The following RHBDD1 variants were observed in gnomAD, a reference collection of about 807,000 sequenced individuals.
The protein encoded by RHBDD1 is rhomboid domain containing 1, also known as rhomboid-related protein 4.
Under a neutral mutation model 36.3 loss-of-function variants are expected in RHBDD1, and 38 were observed. The observed-to-expected ratio is 1.05, with a 90% CI of 0.81 to 1.37. The LOEUF (loss-of-function observed/expected upper bound fraction) is 1.37, where lower values mean the gene tolerates loss of function less well. Among genes scored for constraint, RHBDD1 ranks in the 40% most tolerant of loss-of-function variants. The probability of loss-of-function intolerance (pLI) is 0.00; values close to 1 mark genes in which losing one functional copy is unlikely to be tolerated. For synonymous variants in RHBDD1, 151 were observed against 136.5 expected, an observed-to-expected ratio of 1.11 and a Z score of -0.74; for missense variants, 393 against 377.6, an observed-to-expected ratio of 1.04 and a Z score of -0.34.
intron 8 of RHBDD1, among the ~76,000 whole-genome samples, chr2:226,944,611 A>G (rs891044759): frequency 1.3e-5 from 2 of 152,226 alleles, no homozygotes; most frequent in African/African-American, 4.8e-5. Flanking sequence ...TACCTACAGC[A>G]AACAGAAAAG....
chr2:226,863,785 G>T (rs899704339), intron 3 of RHBDD1, among the ~76,000 whole-genome samples: 5 of 152,216 alleles, frequency 3.3e-5, no homozygotes, highest in African/African-American at 1.2e-4. Context: ...GTTAGCCAAA[G>T]CATGTCACAG....
intron 8 of RHBDD1, among the ~76,000 whole-genome samples, chr2:226,951,205 G>A (rs566816896): frequency 1.5e-4 from 23 of 152,120 alleles, no homozygotes; most frequent in South Asian, 8.3e-4. Flanking sequence ...AATGGCTTCC[G>A]TTTAACTACA....
chr2:226,946,437 G>A (rs2149189963), intron 8 of RHBDD1, among the ~76,000 whole-genome samples: 1 of 152,116 alleles, frequency 6.6e-6, no homozygotes, highest in East Asian at 1.9e-4. Context: ...ATGCTGTTTT[G>A]GCTACTGTAG....
At chr2:226,867,614 C>T in intron 5 of RHBDD1, 1 of 985,234 alleles carries the variant, frequency 1.0e-6, no homozygotes, top group Non-Finnish European at 1.2e-6. Flanking sequence ...AGCCAATCAG[C>T]TGGTTAATTC....
chr2:226,863,101 A>G (rs1944007306), intron 3 of RHBDD1, among the ~76,000 whole-genome samples: 1 of 152,086 alleles, frequency 6.6e-6, no homozygotes, highest in Admixed American at 6.5e-5. Flanking sequence ...TAATCCCAGC[A>G]CTTTGGGAGG....
chr2:226,852,904 A>ATTATTGTTGTTG (rs751436984), intron 3 of RHBDD1, among the ~76,000 whole-genome samples: 16 of 108,648 alleles, frequency 1.5e-4, no homozygotes, highest in African/African-American at 7.0e-4. Context: ...TGGCTAATTT[A>ATTATTGTTGTTG]TTATTATTAT....
intron 5 of RHBDD1, chr2:226,867,551 A>AT (rs1166072861): frequency 2.2e-5 from 22 of 980,838 alleles, no homozygotes; most frequent in South Asian, 9.5e-5. Context: ...CAGATTCCTC[A>AT]TTTTTTTTAA....
At chr2:226,912,823 A>T (rs1338922520) in intron 7 of RHBDD1, among the ~76,000 whole-genome samples, 1 of 152,144 alleles carries the variant, frequency 6.6e-6, no homozygotes, top group East Asian at 1.9e-4. Context: ...AAAACCACTG[A>T]GTTGTACACT....
intron 8 of RHBDD1, among the ~76,000 whole-genome samples, chr2:226,957,011 CA>C (rs772632162): frequency 2.6e-5 from 4 of 152,144 alleles, no homozygotes; most frequent in Non-Finnish European, 4.4e-5. Context: ...TTGGTGGTCT[CA>C]ATGAGGTATC....
At chr2:226,818,116 T>C in the RHBDD1 span, among the ~76,000 whole-genome samples, 10 of 151,962 alleles carry the variant, frequency 6.6e-5, no homozygotes, top group Admixed American at 5.9e-4. Flanking sequence ...CAGATGTGGT[T>C]GGTCCATCTA....
chr2:226,933,048 G>C (rs1270409967), intron 8 of RHBDD1, among the ~76,000 whole-genome samples: 1 of 152,142 alleles, frequency 6.6e-6, no homozygotes, highest in African/African-American at 2.4e-5. Flanking sequence ...TGGCAGGACA[G>C]AGTAAGTGCA....
chr2:226,932,464 T>C (rs1950083196), intron 8 of RHBDD1, among the ~76,000 whole-genome samples: 1 of 152,178 alleles, frequency 6.6e-6, no homozygotes, highest in South Asian at 2.1e-4. Flanking sequence ...TTGCAATAGT[T>C]ACTCTGGACA....
chr2:226,943,096 A>G (rs887377735), intron 8 of RHBDD1, among the ~76,000 whole-genome samples: 14 of 152,186 alleles, frequency 9.2e-5, no homozygotes, highest in African/African-American at 3.1e-4. Context: ...AACAGCCTCA[A>G]GGTGGTCTAG....
chr2:226,963,677 C>A (rs377117559), intron 8 of RHBDD1, among the ~76,000 whole-genome samples: 11 of 152,222 alleles, frequency 7.2e-5, no homozygotes, highest in East Asian at 3.9e-4. Context: ...TGGAAAAATC[C>A]CAGACTTGAG....
At chr2:226,808,797 A>G in the RHBDD1 span, among the ~76,000 whole-genome samples, 1 of 152,200 alleles carries the variant, frequency 6.6e-6, no homozygotes, top group Non-Finnish European at 1.5e-5. Context: ...CTATTGATCA[A>G]AGTAGACATG....
intron 8 of RHBDD1, among the ~76,000 whole-genome samples, chr2:226,966,424 A>G (rs757359756): frequency 2.0e-5 from 3 of 152,188 alleles, no homozygotes; most frequent in African/African-American, 4.8e-5. Context: ...AGTAACGGAC[A>G]TGCTTCGTGT....
Position 226,849,615 on chromosome 2 carries a change from G to A in RHBDD1, c.-91+9988G>A, listed in dbSNP as rs535597977. The stretch of plus-strand genomic sequence containing the variant: ...TTGATGAAGTGCTTTCTCTGGCCCC[G>A]GATGTCCTCTTTGCCTTCTATGACA... On this transcript the variant is annotated intron_variant, in intron 3 of 8. Coordinates refer to ENST00000392062, the MANE Select transcript of RHBDD1 (RefSeq NM_001167608.3). Among the ~76,000 whole-genome samples, 6 of 152,346 alleles carry A rather than the reference G, an allele frequency of 3.9e-5. No homozygotes were observed. In the South Asian group the frequency reaches 1.0e-3, roughly 26 times the overall value.
At chr2:226,932,765 C>G (rs1950105553) in intron 8 of RHBDD1, among the ~76,000 whole-genome samples, 1 of 151,998 alleles carries the variant, frequency 6.6e-6, no homozygotes, top group East Asian at 1.9e-4. Context: ...ATGGCCTTCT[C>G]AGTGTTCTTG....
At chr2:226,993,409 A>G (rs1235910943) in intron 8 of RHBDD1, among the ~76,000 whole-genome samples, 1 of 152,216 alleles carries the variant, frequency 6.6e-6, no homozygotes, top group African/African-American at 2.4e-5. Context: ...GCCTGCACTC[A>G]CAAGTGCAAT....
Sources: allele counts gnomAD v4.1 joint callset (sites outside exome capture counted in the v4.1 genomes callset), GRCh38; gene constraint gnomAD v4.1.1; transcripts MANE v1.5; gene names NCBI Gene and HGNC (gene_info 2026-07-23, HGNC 2026-07-21).